Variants in YEATS2 observed in about 807,000 individuals in gnomAD.
YEATS2 encodes the protein YEATS domain-containing protein 2.
A neutral mutation model predicts 163.2 loss-of-function variants in YEATS2; 77 were observed. The observed-to-expected ratio is 0.47, with a 90% CI of 0.39 to 0.57. The LOEUF is 0.57. Among genes scored for constraint, YEATS2 ranks in the 20% least tolerant of loss-of-function variants. YEATS2 has a pLI of 0.00. For missense variants in YEATS2, 1,549 were observed against 1,729.8 expected, an observed-to-expected ratio of 0.90 and a Z score of 1.85; for synonymous variants, 631 against 645.1, an observed-to-expected ratio of 0.98 and a Z score of 0.33.
intron 19 of YEATS2, among the ~76,000 whole-genome samples, chr3:183,778,396 C>T (rs1351670895): frequency 6.6e-6 from 1 of 152,208 alleles, no homozygotes; most frequent in Non-Finnish European, 1.5e-5. Flanking sequence ...GCTTTCTTGA[C>T]ACTTTGTTGT....
intron 19 of YEATS2, among the ~76,000 whole-genome samples, chr3:183,783,342 A>G (rs1373311987): frequency 6.6e-6 from 1 of 152,246 alleles, no homozygotes; most frequent in Non-Finnish European, 1.5e-5. Flanking sequence ...GCAGTCACTT[A>G]GAGCAGATTT....
At chr3:183,720,284 C>T (rs570962033) in intron 4 of YEATS2, among the ~76,000 whole-genome samples, 2 of 152,296 alleles carry the variant, frequency 1.3e-5, no homozygotes, top group South Asian at 4.1e-4. Flanking sequence ...TCCTAGTAAT[C>T]TGTCTAAATT....
Position 183,715,143 on chromosome 3 carries a change from G to A in YEATS2, c.-19-1G>A. 2 of 1,572,350 alleles carry A rather than the reference G, an allele frequency of 1.3e-6. No individual in the cohort carries two copies. Among genetic ancestry groups the A allele is most frequent in the Non-Finnish European group, 1.7e-6 (2 of 1,144,968 alleles). On this transcript the variant is annotated splice_acceptor_variant, in intron 1 of 30. Transcript: ENST00000305135. LOFTEE classifies it low-confidence loss of function (5UTR_SPLICE). Reference sequence around the variant, plus strand: ...ATTATTAATTTATCATTGCTTCACAGTGAAGAACTGAATGTCATCATGTCT... The same window carrying A: ...ATTATTAATTTATCATTGCTTCACAATGAAGAACTGAATGTCATCATGTCT...
rs773338115 is a variant in YEATS2 at position 183,771,542 on chromosome 3, CCTT to C, written c.1948-762_1948-760del. Among the ~76,000 whole-genome samples the C allele has an allele frequency of 7.3e-3, 444 of 60,728 alleles. 27 individuals are homozygous for C. Among genetic ancestry groups the C allele is most frequent in the East Asian group, 0.06 (94 of 1,560 alleles). 39.8% of individuals were successfully genotyped at this position (60,728 alleles called of 152,430 possible). A position where few individuals can be genotyped will look rare whatever the true frequency, so the allele number is the denominator to read the frequency against. ...TTTTAATAGTTAAATATTATTCTTG[CCTT>C]TTTTTTTTTTTTTTTTTTTTCTTTT... On this transcript the variant is annotated intron_variant, in intron 15 of 30. Coordinates refer to ENST00000305135, the MANE Select transcript of YEATS2 (RefSeq NM_018023.5).
rs942840513 is a variant in YEATS2 at position 183,785,959 on chromosome 3, T to C, written c.2737-166T>C. Among the ~76,000 whole-genome samples the C allele has an allele frequency of 8.5e-5, 13 of 152,330 alleles. No individual in the cohort carries two copies. The East Asian group carries it at 1.9e-3, about 23-fold the overall frequency. ...TATTTATAGGTGAAAGGTCATAAAA[T>C]TTGGAGCTTGTTAGAAAGGTGTGTA... On this transcript the variant is annotated intron_variant, in intron 19 of 30. Transcript: ENST00000305135.
chr3:183,766,533 G>A (rs1390322369), intron 15 of YEATS2, among the ~76,000 whole-genome samples: 4 of 152,174 alleles, frequency 2.6e-5, no homozygotes, highest in African/African-American at 7.2e-5. Context: ...AGCATGAATC[G>A]AAGTTAAGTG....
chr3:183,700,604 T>C (rs1286780865), intron 1 of YEATS2, among the ~76,000 whole-genome samples: 2 of 146,918 alleles, frequency 1.4e-5, no homozygotes, highest in East Asian at 1.9e-4. Context: ...CTTTCTTTTT[T>C]TTTTTTTTTT....
intron 7 of YEATS2, among the ~76,000 whole-genome samples, chr3:183,734,277 A>C (rs538718396): frequency 4.6e-5 from 7 of 152,234 alleles, no homozygotes; most frequent in Non-Finnish European, 7.3e-5. Flanking sequence ...GACATGGACT[A>C]GCACACAGTG....
At chr3:183,714,624 G>A (rs1427148915) in intron 1 of YEATS2, among the ~76,000 whole-genome samples, 2 of 152,138 alleles carry the variant, frequency 1.3e-5, no homozygotes, top group African/African-American at 4.8e-5. Context: ...ATAATGATCA[G>A]TAATAGTGAT....
chr3:183,807,914 G>T, intron 28 of YEATS2, 116 bp from the exon 29 acceptor site: 1 of 750,794 alleles, frequency 1.3e-6, no homozygotes, highest in Non-Finnish European at 2.2e-6. Context: ...CAATATGTTT[G>T]CAGAGTCCTC....
At chr3:183,807,855 A>G (rs1726377300) in intron 28 of YEATS2, 175 bp from the exon 29 acceptor site, 1 of 557,348 alleles carries the variant, frequency 1.8e-6, no homozygotes. Flanking sequence ...AAACAAGATA[A>G]CATTCTTCTA....
chr3:183,783,614 C>T lies in YEATS2; in HGVS notation c.2737-2511C>T, dbSNP rs150244455. On this transcript the variant is annotated intron_variant, in intron 19 of 30. Transcript: ENST00000305135. ...GCCATCTTTGTGTCCATTTACCCAA[C>T]GATTAGCTCCCACTTGTAAGTGAGA... is the stretch of plus-strand genomic sequence containing the variant. Among the ~76,000 whole-genome samples, 223 of 152,294 alleles carry T rather than the reference C, an allele frequency of 1.5e-3. 1 individual carries two copies. Among genetic ancestry groups the T allele is most frequent in the Non-Finnish European group, 2.6e-3 (177 of 68,038 alleles).
At chr3:183,705,943 G>A (rs1331214481) in intron 1 of YEATS2, among the ~76,000 whole-genome samples, 1 of 152,026 alleles carries the variant, frequency 6.6e-6, no homozygotes, top group Non-Finnish European at 1.5e-5. Context: ...GGGAGGCTGA[G>A]GCAGGAGAAT....
At chr3:183,711,603 C>T (rs561316323) in intron 1 of YEATS2, among the ~76,000 whole-genome samples, 1 of 151,830 alleles carries the variant, frequency 6.6e-6, no homozygotes, top group East Asian at 1.9e-4. Context: ...TGGCTTGATT[C>T]ATGATGTTTA....
At position 183,784,743 on chromosome 3, in the gene YEATS2, C is replaced by T. The variant is rs148004331; in HGVS notation, c.2737-1382C>T. Among the ~76,000 whole-genome samples, 638 of 150,912 alleles carry T rather than the reference C, an allele frequency of 4.2e-3. 6 individuals are homozygous for T. Among genetic ancestry groups the T allele is most frequent in the African/African-American group, 0.013 (540 of 41,030 alleles). On this transcript the variant is annotated intron_variant, in intron 19 of 30. Coordinates refer to ENST00000305135, the MANE Select transcript of YEATS2 (RefSeq NM_018023.5). ...CCGAGGAGTTGCAACAGAGGTCCTA[C>T]GGCCTGAAAGCCAAAATTGCATACT...
At chr3:183,778,651 C>T (rs546016771) in intron 19 of YEATS2, among the ~76,000 whole-genome samples, 2 of 152,192 alleles carry the variant, frequency 1.3e-5, no homozygotes, top group African/African-American at 4.8e-5. Flanking sequence ...CCGCTCCTGG[C>T]CTTGTTTAGA....
chr3:183,740,214 A>G (rs1480636517), intron 8 of YEATS2, among the ~76,000 whole-genome samples: 1 of 151,600 alleles, frequency 6.6e-6, no homozygotes, highest in Non-Finnish European at 1.5e-5. Flanking sequence ...CTCATCTGAC[A>G]AAGGGCTAAT....
At chr3:183,700,321 C>CG (rs1298745159) in intron 1 of YEATS2, among the ~76,000 whole-genome samples, 1 of 152,108 alleles carries the variant, frequency 6.6e-6, no homozygotes, top group Non-Finnish European at 1.5e-5. Flanking sequence ...TTGTAGATCT[C>CG]TGAGTGTAGC....
intron 19 of YEATS2, among the ~76,000 whole-genome samples, chr3:183,783,993 C>T (rs1413866910): frequency 6.6e-6 from 1 of 152,252 alleles, no homozygotes; most frequent in South Asian, 2.1e-4. Flanking sequence ...GCACCCTCGA[C>T]CTCCTGGGCT....
Sources: allele counts gnomAD v4.1 joint callset (sites outside exome capture counted in the v4.1 genomes callset), GRCh38; gene constraint gnomAD v4.1.1; transcripts MANE v1.5; gene names NCBI Gene and HGNC (gene_info 2026-07-23, HGNC 2026-07-21).